The following ENPEP variants were observed in gnomAD, a reference collection of about 807,000 sequenced individuals.
ENPEP encodes glutamyl aminopeptidase, also known as AP-A.
A neutral mutation model predicts 114.5 loss-of-function variants in ENPEP; 103 were observed. The observed-to-expected ratio is 0.90, with a 90% CI of 0.77 to 1.06. The LOEUF (loss-of-function observed/expected upper bound fraction) is 1.06, where lower values mean the gene tolerates loss of function less well. ENPEP is among the 50% of genes least tolerant of loss of function. The pLI is 0.00. For missense variants in ENPEP, 1,196 were observed against 1,161.3 expected (o/e 1.03, Z -0.43); for synonymous variants, 420 against 422.0 (o/e 1.00, Z 0.06).
chr4:110,561,502 A>C lies in ENPEP; in HGVS notation c.2818A>C (p.Lys940Gln). 6.2e-7 allele frequency: 1 copy of C among 1,614,066 alleles called. No homozygotes were observed. Among genetic ancestry groups the C allele is most frequent in the African/African-American group, 1.3e-5 (1 of 75,048 alleles). ...ETVKNNIEWL[K>Q]QHRNTIREWF... ...AGTGAAAAACAATATAGAGTGGCTA[A>C]AACAACATAGAAACACCATCAGAGA... is the stretch of plus-strand genomic sequence containing the variant. The change falls in exon 20 of 20, where the codon AAA becomes CAA. Residue 940 changes from lysine (K) to glutamine (Q), a missense_variant. Lys to Gln is a moderately conservative substitution (Grantham distance 53). Coordinates refer to ENST00000265162, the MANE Select transcript of ENPEP (RefSeq NM_001977.4).
intron 8 of ENPEP, chr4:110,515,723 A>AGTC: frequency 1.9e-6 from 1 of 524,046 alleles, no homozygotes; most frequent in Non-Finnish European, 3.7e-6. Flanking sequence ...GGGCTGCCAT[A>AGTC]AGGAAATACC....
intron 4 of ENPEP, 110 bp downstream of exon 4, chr4:110,506,867 C>G (rs1159571526): frequency 2.0e-6 from 2 of 1,011,014 alleles, no homozygotes; most frequent in African/African-American, 3.3e-5. Flanking sequence ...TCCTTAAGTC[C>G]TTTTATTCTA....
intron 3 of ENPEP, among the ~76,000 whole-genome samples, chr4:110,494,700 A>C (rs1724863936): frequency 6.6e-6 from 1 of 152,172 alleles, no homozygotes; most frequent in Non-Finnish European, 1.5e-5. Flanking sequence ...AGAAAAATTA[A>C]ATTGGTTTTG....
intron 1 of ENPEP, among the ~76,000 whole-genome samples, chr4:110,480,497 T>C (rs1168482723): frequency 6.6e-6 from 1 of 152,190 alleles, no homozygotes; most frequent in Non-Finnish European, 1.5e-5. Context: ...GTCATCATAG[T>C]AATACATTTG....
chr4:110,520,752 A>G (rs903625687), intron 10 of ENPEP, among the ~76,000 whole-genome samples: 2 of 152,188 alleles, frequency 1.3e-5, no homozygotes, highest in Non-Finnish European at 2.9e-5. Flanking sequence ...ATCCCTAGAC[A>G]GGTTCTAGGT....
At chr4:110,506,030 A>G (rs1023926614) in intron 3 of ENPEP, among the ~76,000 whole-genome samples, 2 of 152,240 alleles carry the variant, frequency 1.3e-5, no homozygotes, top group African/African-American at 4.8e-5. Context: ...TCTCTCAGGG[A>G]AAGTTTGGAT....
In ENPEP at chr4:110,476,236, T is replaced by C; in HGVS notation, c.-179T>C. On this transcript the variant is annotated 5_prime_UTR_variant, in exon 1 of 20. Coordinates refer to ENST00000265162, the MANE Select transcript of ENPEP (RefSeq NM_001977.4). ...TGTTTCCGCATTCATCCTGAGTGGC[T>C]GGTGGGAACGTGAAAAGGGAGAGGA... 2.9e-6 allele frequency: 2 copies of C among 684,854 alleles called. No homozygotes were observed. The highest frequency in any genetic ancestry group is 4.6e-6 in the Non-Finnish European group (2 of 435,378). 42.4% of individuals were successfully genotyped at this position (684,854 alleles called of 1,614,324 possible).
At position 110,513,435 on chromosome 4, in the gene ENPEP, AGAT is replaced by A. The variant is rs1725652974; in HGVS notation, c.1331_1333del (p.Asp444del). ...TTCAGCGTGACCAAATGTTACTTGA[AGAT>A]GTATTACCTGTTCAAGAGGATGATT... is the stretch of plus-strand genomic sequence containing the variant. On this transcript the variant is annotated inframe_deletion, in exon 7 of 20. Transcript: ENST00000265162. 1 of 1,611,246 alleles carries A rather than the reference AGAT, an allele frequency of 6.2e-7. No homozygotes were observed. Among genetic ancestry groups the A allele is most frequent in the South Asian group, 1.1e-5 (1 of 90,496 alleles).
At chr4:110,525,826 A>G (rs1330379599) in intron 10 of ENPEP, among the ~76,000 whole-genome samples, 4 of 152,230 alleles carry the variant, frequency 2.6e-5, no homozygotes, top group African/African-American at 7.2e-5. Flanking sequence ...CTCTCTTACT[A>G]TATGAGTCCA....
chr4:110,523,716 A>G (rs961481100), intron 10 of ENPEP, among the ~76,000 whole-genome samples: 3 of 152,228 alleles, frequency 2.0e-5, no homozygotes, highest in Admixed American at 2.0e-4. Context: ...ACATTGTAAC[A>G]AGAAAAATCA....
intron 4 of ENPEP, 87 bp downstream of exon 4, chr4:110,506,844 C>T: frequency 8.8e-7 from 1 of 1,132,780 alleles, no homozygotes; most frequent in Non-Finnish European, 1.2e-6. Flanking sequence ...ATGTCACCAT[C>T]AGTTAACAGT....
Position 110,476,218 on chromosome 4 carries a change from G to T in ENPEP, c.-197G>T. The T allele has an allele frequency of 1.7e-6, 1 of 591,792 alleles. No individual in the cohort carries two copies. Among genetic ancestry groups the T allele is most frequent in the Non-Finnish European group, 2.8e-6 (1 of 359,342 alleles). The allele number at this position is 591,792 out of a possible 1,614,324, so 36.7% of individuals were successfully genotyped here. On this transcript the variant is annotated 5_prime_UTR_variant, in exon 1 of 20. Coordinates refer to ENST00000265162, the MANE Select transcript of ENPEP (RefSeq NM_001977.4). ...TCCTCATTCCACCCCCCTTGTTTCC[G>T]CATTCATCCTGAGTGGCTGGTGGGA...
At chr4:110,518,321 A>G (rs1041981922) in intron 8 of ENPEP, among the ~76,000 whole-genome samples, 21 of 152,302 alleles carry the variant, frequency 1.4e-4, no homozygotes, top group African/African-American at 4.6e-4. Context: ...AGTACTGTCA[A>G]TAAGACAGGA....
chr4:110,515,712 TG>T (rs757854733), intron 8 of ENPEP: 7 of 535,570 alleles, frequency 1.3e-5, no homozygotes, highest in South Asian at 1.1e-4. Flanking sequence ...TTAGTCAGCT[TG>T]GGCTGCCATA....
intron 3 of ENPEP, among the ~76,000 whole-genome samples, chr4:110,497,133 C>A (rs1724973622): frequency 6.6e-6 from 1 of 152,142 alleles, no homozygotes; most frequent in African/African-American, 2.4e-5. Context: ...GTAGCATTCC[C>A]CAGTGGATGT....
chr4:110,476,908 A>C lies in ENPEP; in HGVS notation c.494A>C (p.Lys165Thr). ...GTCCGGAGGTGTTTCGAGTACAAAA[A>C]GCAGGAGTACGTGGTGGTCGAGGCG... ...VQVRRCFEYK[K>T]QEYVVVEAEE... is the part of the protein sequence containing the mutation. Residue 165 changes from lysine (K) to threonine (T), a missense_variant, in exon 1 of 20, where the codon AAG becomes ACG. Lys to Thr is a moderately conservative substitution (Grantham distance 78). Transcript: ENST00000265162. 1 of 1,614,172 alleles carries C rather than the reference A, an allele frequency of 6.2e-7. No individual in the cohort carries two copies. Among genetic ancestry groups the C allele is most frequent in the South Asian group, 1.1e-5 (1 of 91,078 alleles).
chr4:110,538,912 CAG>C (rs1017747937), intron 11 of ENPEP, among the ~76,000 whole-genome samples: 13 of 151,990 alleles, frequency 8.6e-5, no homozygotes, highest in Non-Finnish European at 1.6e-4. Context: ...AAAAGAGAGA[CAG>C]GGGAATGGCC....
At chr4:110,504,295 A>T (rs1725276951) in intron 3 of ENPEP, among the ~76,000 whole-genome samples, 1 of 152,150 alleles carries the variant, frequency 6.6e-6, no homozygotes, top group Admixed American at 6.6e-5. Context: ...GGCTGGGACA[A>T]ACTGGCTTCT....
chr4:110,504,849 C>G (rs1208364446), intron 3 of ENPEP, among the ~76,000 whole-genome samples: 2 of 152,168 alleles, frequency 1.3e-5, no homozygotes, highest in African/African-American at 4.8e-5. Context: ...TTGAGTCTGT[C>G]TCCTTCCCAT....
Sources: gnomAD v4.1 joint callset for allele counts (sites outside exome capture counted in the v4.1 genomes callset) on GRCh38, gnomAD v4.1.1 for gene constraint, MANE v1.5 for transcripts, NCBI Gene and HGNC (gene_info 2026-07-23, HGNC 2026-07-21) for gene names.